AUTS2: variants seen among roughly 807,000 people sequenced by gnomAD.
The protein encoded by AUTS2 is autism susceptibility gene 2 protein.
Under a neutral mutation model 112.4 loss-of-function variants are expected in AUTS2, and 17 were observed. The observed-to-expected ratio is 0.15, with a 90% CI of 0.10 to 0.23. The LOEUF (loss-of-function observed/expected upper bound fraction) is 0.23, where lower values mean the gene tolerates loss of function less well. Ranked by LOEUF, AUTS2 falls within the 10% of genes least tolerant of loss-of-function variation. The probability of loss-of-function intolerance (pLI) is 1.00; values close to 1 mark genes in which losing one functional copy is unlikely to be tolerated. For synonymous variants in AUTS2, 751 were observed against 702.7 expected, an observed-to-expected ratio of 1.07 and a Z score of -1.09; for missense variants, 1,510 against 1,701.6, an observed-to-expected ratio of 0.89 and a Z score of 1.98.
At chr7:70,245,075 GCAC>G (rs1279633910) in intron 4 of AUTS2, among the ~76,000 whole-genome samples, 6 of 141,768 alleles carry the variant, frequency 4.2e-5, no homozygotes, top group African/African-American at 1.6e-4. Flanking sequence ...AGCCAAGGTT[GCAC>G]CACTGCACTC....
intron 5 of AUTS2, among the ~76,000 whole-genome samples, chr7:70,621,873 T>A (rs1029380640): frequency 2.0e-5 from 2 of 99,778 alleles, no homozygotes; most frequent in East Asian, 2.9e-4. Flanking sequence ...TTTGGAGAAA[T>A]GGAGTCTCTG....
intron 5 of AUTS2, among the ~76,000 whole-genome samples, chr7:70,457,551 A>G (rs764628357): frequency 1.4e-4 from 21 of 152,218 alleles, no homozygotes; most frequent in Non-Finnish European, 2.6e-4. Context: ...CAATATGACT[A>G]AAGTACGGTG....
At chr7:70,162,180 C>T (rs1225644024) in intron 4 of AUTS2, among the ~76,000 whole-genome samples, 4 of 152,040 alleles carry the variant, frequency 2.6e-5, no homozygotes, top group African/African-American at 9.7e-5. Context: ...GGCGCGGTGG[C>T]TCACGCCTGT....
At chr7:70,551,408 C>T (rs1801010079) in intron 5 of AUTS2, among the ~76,000 whole-genome samples, 1 of 152,088 alleles carries the variant, frequency 6.6e-6, no homozygotes, top group African/African-American at 2.4e-5. Context: ...ATAGAACAGA[C>T]CATTGATACA....
rs191028688 is a variant in AUTS2 at position 69,814,905 on chromosome 7, G to A, written c.310-84381G>A. 6.6e-5 allele frequency among the ~76,000 whole-genome samples: 10 copies of A among 152,364 alleles called. No individual in the cohort carries two copies. In the East Asian group the frequency reaches 1.9e-3, roughly 29 times the overall value. The stretch of plus-strand genomic sequence containing the variant: ...ATTCGTGGCATCTTAATGAAAGGCA[G>A]CAGTTCCTTTTTTCAAGAATGATAG... On this transcript the variant is annotated intron_variant, in intron 1 of 18. Transcript: ENST00000342771.
At chr7:70,483,061 G>A (rs987463654) in intron 5 of AUTS2, among the ~76,000 whole-genome samples, 7 of 152,120 alleles carry the variant, frequency 4.6e-5, no homozygotes, top group African/African-American at 1.7e-4. Context: ...GATGGGGAGG[G>A]CATTGACAGA....
intron 4 of AUTS2, among the ~76,000 whole-genome samples, chr7:70,382,131 G>A (rs772082461): frequency 1.3e-5 from 2 of 152,164 alleles, no homozygotes; most frequent in Non-Finnish European, 2.9e-5. Context: ...CAACGTGTCT[G>A]TAATCTCCTC....
chr7:69,719,948 T>C (rs1476599376), intron 1 of AUTS2, among the ~76,000 whole-genome samples: 1 of 152,028 alleles, frequency 6.6e-6, no homozygotes, highest in Admixed American at 6.6e-5. Flanking sequence ...GAAAAAAAAA[T>C]CACTTTATTC....
chr7:69,891,552 A>C (rs1794519640), intron 1 of AUTS2, among the ~76,000 whole-genome samples: 1 of 151,998 alleles, frequency 6.6e-6, no homozygotes, highest in African/African-American at 2.4e-5. Context: ...AGAAACTACT[A>C]AACTTTCTTC....
intron 4 of AUTS2, among the ~76,000 whole-genome samples, chr7:70,137,931 A>G (rs1430233919): frequency 6.6e-6 from 1 of 152,098 alleles, no homozygotes; most frequent in Non-Finnish European, 1.5e-5. Flanking sequence ...TTTGTATTTG[A>G]TCAGTTATTT....
At chr7:70,573,435 C>T (rs929038458) in intron 5 of AUTS2, among the ~76,000 whole-genome samples, 1 of 152,144 alleles carries the variant, frequency 6.6e-6, no homozygotes, top group Non-Finnish European at 1.5e-5. Flanking sequence ...ACTTTTTGTG[C>T]CATGCATCCA....
chr7:70,412,820 A>G (rs11762973), intron 4 of AUTS2, among the ~76,000 whole-genome samples: 37,980 of 152,076 alleles, frequency 0.25, 5,325 homozygotes, highest in African/African-American at 0.38. Flanking sequence ...GTGAAACCCT[A>G]TCTCTACTAG....
intron 4 of AUTS2, among the ~76,000 whole-genome samples, chr7:70,427,548 ATTGT>A (rs1429525484): frequency 6.6e-6 from 1 of 152,224 alleles, no homozygotes; most frequent in African/African-American, 2.4e-5. Flanking sequence ...CAACATACAG[ATTGT>A]TTTATGAAAT....
intron 1 of AUTS2, among the ~76,000 whole-genome samples, chr7:69,601,842 A>G (rs1418089762): frequency 2.0e-5 from 3 of 151,900 alleles, no homozygotes; most frequent in Admixed American, 2.0e-4. Context: ...TCCTATTAGA[A>G]CATGCTGCTT....
intron 5 of AUTS2, among the ~76,000 whole-genome samples, chr7:70,544,938 G>A (rs1800710027): frequency 6.6e-6 from 1 of 152,140 alleles, no homozygotes; most frequent in East Asian, 1.9e-4. Context: ...AGGAGCCTGG[G>A]ACCTATGTAC....
intron 2 of AUTS2, among the ~76,000 whole-genome samples, chr7:69,978,859 AACACACACACAC>A (rs71068004): frequency 6.4e-4 from 83 of 129,714 alleles, no homozygotes; most frequent in Middle Eastern, 4.0e-3. Flanking sequence ...TCAAAGAAAC[AACACACACACAC>A]ACACACACAC....
intron 2 of AUTS2, among the ~76,000 whole-genome samples, chr7:69,921,602 T>C (rs546857353): frequency 2.0e-5 from 3 of 149,802 alleles, no homozygotes; most frequent in Admixed American, 2.0e-4. Context: ...ACTCCCCATC[T>C]CTACTAAAAA....
intron 2 of AUTS2, among the ~76,000 whole-genome samples, chr7:69,914,682 C>G (rs1447369176): frequency 6.6e-6 from 1 of 151,298 alleles, no homozygotes; most frequent in African/African-American, 2.4e-5. Flanking sequence ...CCAAAAGAGA[C>G]TAGACAAGCA....
intron 4 of AUTS2, among the ~76,000 whole-genome samples, chr7:70,414,351 C>T (rs1412266156): frequency 4.6e-5 from 7 of 152,140 alleles, no homozygotes; most frequent in East Asian, 1.9e-4. Flanking sequence ...GCTTTTGTAG[C>T]GATGAACATA....
Sources: gnomAD v4.1 joint callset for allele counts (sites outside exome capture counted in the v4.1 genomes callset) on GRCh38, gnomAD v4.1.1 for gene constraint, MANE v1.5 for transcripts, NCBI Gene and HGNC (gene_info 2026-07-23, HGNC 2026-07-21) for gene names.